ZNF407: variants seen among roughly 807,000 people sequenced by gnomAD.
The protein encoded by ZNF407 is zinc finger protein 407.
In ZNF407, 17 loss-of-function variants were observed where a neutral mutation model predicts 131.2. The observed-to-expected ratio is 0.13, with a 90% CI of 0.09 to 0.19. ZNF407 has a LOEUF of 0.19. Ranked by LOEUF, ZNF407 falls within the 10% of genes least tolerant of loss-of-function variation. The pLI is 1.00. For synonymous variants in ZNF407, 1,156 were observed against 1,062.0 expected (o/e 1.09, Z -1.72); for missense variants, 2,681 against 2,830.6 (o/e 0.95, Z 1.20).
At chr18:74,978,138 G>A (rs1363375765) in intron 8 of ZNF407, among the ~76,000 whole-genome samples, 1 of 152,200 alleles carries the variant, frequency 6.6e-6, no homozygotes, top group African/African-American at 2.4e-5. Context: ...CTTCACGGAT[G>A]CATGTAGTCA....
At chr18:74,877,159 G>A (rs757577592) in intron 4 of ZNF407, 38 bp from the exon 5 acceptor site, 9 of 1,598,998 alleles carry the variant, frequency 5.6e-6, no homozygotes, top group South Asian at 3.3e-5. Context: ...GCTGGTGTGC[G>A]GGCCATATTT....
intron 4 of ZNF407, among the ~76,000 whole-genome samples, chr18:74,788,625 A>C (rs1190577338): frequency 2.0e-5 from 3 of 150,736 alleles, no homozygotes; most frequent in African/African-American, 4.9e-5. Flanking sequence ...AAAAAAAAAA[A>C]AAAACACCAC....
chr18:74,603,298 C>T (rs1982662510), intron 1 of ZNF407, among the ~76,000 whole-genome samples: 1 of 152,154 alleles, frequency 6.6e-6, no homozygotes, highest in African/African-American at 2.4e-5. Context: ...GTCCCCCCTG[C>T]CCTTCAGTTA....
At chr18:74,859,916 G>A (rs1189343334) in intron 4 of ZNF407, among the ~76,000 whole-genome samples, 2 of 152,118 alleles carry the variant, frequency 1.3e-5, no homozygotes, top group East Asian at 3.9e-4. Flanking sequence ...CACAAATAGT[G>A]TCATACCTAA....
In ZNF407 at chr18:74,905,553, A is replaced by T. The variant is rs961104599; in HGVS notation, c.5250-14961A>T. On this transcript the variant is annotated intron_variant, in intron 7 of 8. Transcript: ENST00000299687. ...TGAGACCAAGAATGCGTCAGTGTTCATCCACTTCTGTGCTAACTTACAAGT... is the reference window on the plus strand; with the variant it reads ...TGAGACCAAGAATGCGTCAGTGTTCTTCCACTTCTGTGCTAACTTACAAGT... The T allele has an allele frequency of 4.5e-4, 69 of 152,380 alleles. 1 individual carries two copies. The highest frequency in any genetic ancestry group is 1.5e-3 in the African/African-American group (64 of 41,594). 9.4% of individuals were successfully genotyped at this position (152,380 alleles called of 1,614,324 possible).
chr18:74,621,952 C>G (rs983799534), intron 1 of ZNF407, among the ~76,000 whole-genome samples: 12 of 152,176 alleles, frequency 7.9e-5, no homozygotes, highest in African/African-American at 2.2e-4. Flanking sequence ...CCTATTACAT[C>G]TACACGTGGT....
chr18:74,759,649 C>T (rs1969046580), intron 3 of ZNF407, among the ~76,000 whole-genome samples: 1 of 151,858 alleles, frequency 6.6e-6, no homozygotes, highest in Non-Finnish European at 1.5e-5. Flanking sequence ...TCTTGAGTTC[C>T]TCTAGTGAAT....
chr18:75,012,064 T>G (rs1972980453), intron 8 of ZNF407, among the ~76,000 whole-genome samples: 1 of 152,146 alleles, frequency 6.6e-6, no homozygotes. Context: ...TTGATATATT[T>G]AAATATTAAA....
At chr18:75,035,455 G>A (rs1047869146) in intron 8 of ZNF407, among the ~76,000 whole-genome samples, 3 of 152,174 alleles carry the variant, frequency 2.0e-5, no homozygotes, top group East Asian at 1.9e-4. Context: ...GATGATTGAC[G>A]TTCAGTATGG....
chr18:74,763,195 C>CTTTTTTTTTTTTTT (rs1568203707), intron 3 of ZNF407, among the ~76,000 whole-genome samples: 1 of 5,866 alleles, frequency 1.7e-4, no homozygotes, highest in Non-Finnish European at 6.3e-4. Flanking sequence ...CTTCTTAGGA[C>CTTTTTTTTTTTTTT]CTTTTTTTTT....
intron 3 of ZNF407, among the ~76,000 whole-genome samples, chr18:74,718,849 CTT>C (rs879278997): frequency 3.3e-5 from 5 of 152,026 alleles, no homozygotes; most frequent in Non-Finnish European, 5.9e-5. Context: ...AAGGAAATAA[CTT>C]TATCTGTATC....
intron 3 of ZNF407, among the ~76,000 whole-genome samples, chr18:74,762,111 A>G (rs1429107511): frequency 2.0e-5 from 3 of 151,910 alleles, no homozygotes; most frequent in Non-Finnish European, 4.4e-5. Context: ...TGACAGTGTT[A>G]CCATCCCTCT....
chr18:74,691,875 C>A (rs1247114105), intron 3 of ZNF407, among the ~76,000 whole-genome samples: 1 of 152,100 alleles, frequency 6.6e-6, no homozygotes. Flanking sequence ...AGATGAATCC[C>A]TTGAGCCCTG....
intron 4 of ZNF407, among the ~76,000 whole-genome samples, chr18:74,838,851 G>A (rs990602191): frequency 6.6e-6 from 1 of 152,018 alleles, no homozygotes; most frequent in South Asian, 2.1e-4. Flanking sequence ...ATGCTTTTAT[G>A]TATAATTTCA....
intron 8 of ZNF407, among the ~76,000 whole-genome samples, chr18:75,036,984 G>A (rs755017417): frequency 6.6e-6 from 1 of 152,172 alleles, no homozygotes; most frequent in South Asian, 2.1e-4. Flanking sequence ...TGGCAGCGTC[G>A]AGCTGAGGCA....
intron 4 of ZNF407, among the ~76,000 whole-genome samples, chr18:74,844,191 G>A (rs997151677): frequency 2.6e-5 from 4 of 151,902 alleles, no homozygotes; most frequent in South Asian, 2.1e-4. Flanking sequence ...TGGCTGAGCC[G>A]TGCTTTTCCT....
At chr18:74,620,961 C>T (rs1316113161) in intron 1 of ZNF407, among the ~76,000 whole-genome samples, 2 of 152,138 alleles carry the variant, frequency 1.3e-5, no homozygotes, top group East Asian at 1.9e-4. Context: ...CAGTTACCTC[C>T]GAGGCAGGCC....
intron 3 of ZNF407, among the ~76,000 whole-genome samples, chr18:74,746,630 A>G (rs187830244): frequency 2.6e-4 from 39 of 152,242 alleles, no homozygotes; most frequent in African/African-American, 7.5e-4. Context: ...ACACAGGGTA[A>G]GGATGATCAG....
At chr18:74,855,397 T>C (rs959504256) in intron 4 of ZNF407, among the ~76,000 whole-genome samples, 1 of 152,198 alleles carries the variant, frequency 6.6e-6, no homozygotes, top group Non-Finnish European at 1.5e-5. Context: ...TAACAGTCGT[T>C]GGAAGATACA....
Sources: allele counts gnomAD v4.1 joint callset (sites outside exome capture counted in the v4.1 genomes callset), GRCh38; gene constraint gnomAD v4.1.1; transcripts MANE v1.5; gene names NCBI Gene and HGNC (gene_info 2026-07-23, HGNC 2026-07-21).